The following GANC variants were observed in gnomAD, a reference collection of about 807,000 sequenced individuals.
The protein encoded by GANC is glucosidase alpha, neutral C, also known as neutral alpha-glucosidase C.
In GANC, 117 loss-of-function variants were observed where a neutral mutation model predicts 124.2. The ratio of observed to expected loss-of-function variants is 0.94; its 90% CI spans 0.81 to 1.10. The LOEUF (loss-of-function observed/expected upper bound fraction) is 1.10, where lower values mean the gene tolerates loss of function less well. Ranked by LOEUF, GANC falls within the 50% of genes least tolerant of loss-of-function variation. The pLI, the probability that GANC is intolerant of heterozygous loss-of-function variation, is 0.00. For missense variants in GANC, 1,140 were observed against 1,095.0 expected (o/e 1.04, Z -0.58); for synonymous variants, 377 against 376.8 (o/e 1.00, Z -0.01).
intron 15 of GANC, among the ~76,000 whole-genome samples, chr15:42,334,729 A>G (rs556765941): frequency 6.9e-6 from 1 of 144,052 alleles, no homozygotes; most frequent in East Asian, 2.1e-4. Flanking sequence ...AATAAGAAAG[A>G]CAACCTACTT....
At position 42,349,305 on chromosome 15, in the gene GANC, T is replaced by G; in HGVS notation, c.2419-78T>G. The G allele has an allele frequency of 4.4e-6, 4 of 902,836 alleles. No individual in the cohort carries two copies. In the South Asian group the frequency reaches 5.6e-5, roughly 13 times the overall value. 55.9% of individuals were successfully genotyped at this position (902,836 alleles called of 1,614,324 possible). A position where few individuals can be genotyped will look rare whatever the true frequency, so the allele number is the denominator to read the frequency against. ...TTTTCACAAACTTTTTACTCTGTTGTTACCCTTTAGGAGCTGACATTCTTT... is the reference window on the plus strand; with the variant it reads ...TTTTCACAAACTTTTTACTCTGTTGGTACCCTTTAGGAGCTGACATTCTTT... On this transcript the variant is annotated intron_variant, in intron 21 of 23. Transcript: ENST00000318010.
At chr15:42,322,200 C>T (rs2052165481) in intron 11 of GANC, among the ~76,000 whole-genome samples, 180 bp downstream of exon 11, 1 of 152,082 alleles carries the variant, frequency 6.6e-6, no homozygotes, top group Admixed American at 6.6e-5. Context: ...GGTGATGACC[C>T]CATCCATTCC....
chr15:42,306,413 C>A, intron 6 of GANC, 133 bp from the exon 7 acceptor site: 1 of 677,318 alleles, frequency 1.5e-6, no homozygotes, highest in Non-Finnish European at 2.5e-6. Flanking sequence ...ACTGACGTCA[C>A]ACACTGGTCT....
chr15:42,318,838 C>T (rs2052131762), intron 10 of GANC, among the ~76,000 whole-genome samples: 4 of 152,178 alleles, frequency 2.6e-5, no homozygotes, highest in Non-Finnish European at 4.4e-5. Context: ...ATCCTCCCAC[C>T]TCAGCTTCCC....
rs140832672 is a variant in GANC at position 42,339,842 on chromosome 15, C to T, written c.2017C>T (p.Arg673Cys). 50 of 1,614,112 alleles carry T rather than the reference C, an allele frequency of 3.1e-5. No homozygotes were observed. The African/African-American group carries it at 4.4e-4, about 14-fold the overall frequency. ...TRLIREAIRE[R>C]YGLLPYWYSL... The stretch of plus-strand genomic sequence containing the variant: ...ACTCATCCGAGAAGCCATCAGAGAG[C>T]GCTATGGCCTCCTGCCATATTGGTA... Residue 673 changes from arginine to cysteine, a missense_variant, in exon 17 of 24, where the codon CGC (arginine) becomes TGC (cysteine). Physicochemically the swap from Arg to Cys is radical, Grantham distance 180. Transcript: ENST00000318010.
intron 3 of GANC, 108 bp from the exon 4 acceptor site, chr15:42,287,583 T>G: frequency 8.5e-7 from 1 of 1,183,050 alleles, no homozygotes; most frequent in Non-Finnish European, 1.2e-6. Context: ...TCCAATTTGC[T>G]TGGCCTATCA....
At chr15:42,294,759 T>C (rs961712290) in intron 5 of GANC, among the ~76,000 whole-genome samples, 3 of 151,470 alleles carry the variant, frequency 2.0e-5, no homozygotes, top group Non-Finnish European at 4.4e-5. Context: ...CTTAATTTCT[T>C]TAAAGCAGCT....
chr15:42,276,272 G>A (rs2051670384), intron 1 of GANC, 76 bp from the exon 2 acceptor site: 2 of 722,420 alleles, frequency 2.8e-6, no homozygotes, highest in Non-Finnish European at 5.0e-6. Flanking sequence ...TGTTCATACT[G>A]TCGTTAGAGA....
intron 22 of GANC, among the ~76,000 whole-genome samples, chr15:42,350,157 A>G (rs1449702216): frequency 6.6e-6 from 1 of 150,552 alleles, no homozygotes; most frequent in African/African-American, 2.4e-5. Context: ...CAGCCTCCCA[A>G]GTAGCTGGGA....
chr15:42,352,613 C>T lies in GANC; in HGVS notation c.*474C>T. The T allele has an allele frequency of 1.0e-6, 1 of 1,001,442 alleles. No homozygotes were observed. The highest frequency in any genetic ancestry group is 1.2e-6 in the Non-Finnish European group (1 of 838,366). The allele number at this position is 1,001,442 out of a possible 1,614,324, so 62.0% of individuals were successfully genotyped here. A position where few individuals can be genotyped will look rare whatever the true frequency, so the allele number is the denominator to read the frequency against. ...CCCAGTTATCTTCCACCCACATGGA[C>T]TGGGCAGAGCAGCCCTCTTCTGTGT... is the stretch of plus-strand genomic sequence containing the variant. On this transcript the variant is annotated 3_prime_UTR_variant, in exon 24 of 24. Coordinates refer to ENST00000318010, the MANE Select transcript of GANC (RefSeq NM_198141.3).
At chr15:42,283,210 G>A (rs1200258031) in intron 3 of GANC, among the ~76,000 whole-genome samples, 4 of 152,222 alleles carry the variant, frequency 2.6e-5, no homozygotes, top group Non-Finnish European at 5.9e-5. Flanking sequence ...TTGGAGAAAA[G>A]CTGGTTGCGT....
Position 42,328,247 on chromosome 15 carries a change from A to G in GANC, c.1500+805A>G, listed in dbSNP as rs1236698151. On this transcript the variant is annotated intron_variant, in intron 13 of 23. Coordinates refer to ENST00000318010, the MANE Select transcript of GANC (RefSeq NM_198141.3). Reference sequence around the variant, plus strand: ...TAAACAACTTAGTACAGGGATAGACAAGCGTTGGGCCAAATCTGGCCATGC... The same window carrying G: ...TAAACAACTTAGTACAGGGATAGACGAGCGTTGGGCCAAATCTGGCCATGC... 2.0e-5 allele frequency among the ~76,000 whole-genome samples: 3 copies of G among 152,178 alleles called. No individual in the cohort carries two copies. In the East Asian group the frequency reaches 5.8e-4, roughly 29 times the overall value.
chr15:42,353,432 GC>G lies in GANC; in HGVS notation c.*1296del. ...CCCCATACCCATTAGCAGTGATTTT[GC>G]CCTTCCCCGTAATGCTGTCCCACTT... On this transcript the variant is annotated 3_prime_UTR_variant, in exon 24 of 24. Coordinates refer to ENST00000318010, the MANE Select transcript of GANC (RefSeq NM_198141.3). 2 of 948,896 alleles carry G rather than the reference GC, an allele frequency of 2.1e-6. No individual in the cohort carries two copies. Among genetic ancestry groups the G allele is most frequent in the Non-Finnish European group, 2.5e-6 (2 of 796,632 alleles). The allele number at this position is 948,896 out of a possible 1,614,324, so 58.8% of individuals were successfully genotyped here. A position where few individuals can be genotyped will look rare whatever the true frequency, so the allele number is the denominator to read the frequency against.
intron 7 of GANC, among the ~76,000 whole-genome samples, chr15:42,306,896 A>G (rs541100242): frequency 6.6e-6 from 1 of 152,352 alleles, no homozygotes; most frequent in East Asian, 1.9e-4. Context: ...CAGATAAGAC[A>G]GCTACAAATT....
rs1028023726 is a variant in GANC at position 42,352,718 on chromosome 15, A to T, written c.*579A>T. 1 of 985,778 alleles carries T rather than the reference A, an allele frequency of 1.0e-6. No individual in the cohort carries two copies. Among genetic ancestry groups the T allele is most frequent in the Non-Finnish European group, 1.2e-6 (1 of 829,940 alleles). The allele number at this position is 985,778 out of a possible 1,614,324, so 61.1% of individuals were successfully genotyped here. On this transcript the variant is annotated 3_prime_UTR_variant, in exon 24 of 24. Coordinates refer to ENST00000318010, the MANE Select transcript of GANC (RefSeq NM_198141.3). ...AGCACGAAGGATTCTTTTCTCTTTC[A>T]TGCTTCTCAGGCTCAATAGTTTCTA...
At chr15:42,284,685 C>T (rs929721146) in intron 3 of GANC, among the ~76,000 whole-genome samples, 1 of 152,066 alleles carries the variant, frequency 6.6e-6, no homozygotes, top group African/African-American at 2.4e-5. Context: ...GGCTGGAGTG[C>T]AGTGGTTACT....
Position 42,334,623 on chromosome 15 carries a change from G to A in GANC, c.1742-3766G>A, listed in dbSNP as rs552258907. ...TAAGAAAATGAAATGGCAAGCCACCGACTGAGGAAAAAAATATTTGAAATA... is the reference window on the plus strand; with the variant it reads ...TAAGAAAATGAAATGGCAAGCCACCAACTGAGGAAAAAAATATTTGAAATA... On this transcript the variant is annotated intron_variant, in intron 15 of 23. Transcript: ENST00000318010. 1.8e-4 allele frequency among the ~76,000 whole-genome samples: 27 copies of A among 151,992 alleles called. 1 individual carries two copies. In the East Asian group the frequency reaches 2.5e-3, roughly 14 times the overall value.
At chr15:42,278,710 C>T in intron 3 of GANC, 120 bp downstream of exon 3, 2 of 668,930 alleles carry the variant, frequency 3.0e-6, no homozygotes, top group Non-Finnish European at 2.5e-6. Context: ...GAATATCAGC[C>T]TTTTAGTGAT....
intron 17 of GANC, 148 bp downstream of exon 17, chr15:42,340,060 C>A: frequency 1.8e-6 from 2 of 1,083,478 alleles, no homozygotes; most frequent in African/African-American, 1.6e-5. Flanking sequence ...GCTTATTGAG[C>A]AGCGCGGTGA....
Sources: gnomAD v4.1 joint callset for allele counts (sites outside exome capture counted in the v4.1 genomes callset) on GRCh38, gnomAD v4.1.1 for gene constraint, MANE v1.5 for transcripts, NCBI Gene and HGNC (gene_info 2026-07-23, HGNC 2026-07-21) for gene names.